Variants in TFEC observed in about 807,000 individuals in gnomAD.
The protein encoded by TFEC is class E basic helix-loop-helix protein 34.
In TFEC, 31 loss-of-function variants were observed where a neutral mutation model predicts 41.6. That is an observed-to-expected ratio of 0.74 (90% CI 0.56 to 1.01). The LOEUF (loss-of-function observed/expected upper bound fraction) is 1.01. TFEC is among the 50% of genes least tolerant of loss of function. TFEC has a pLI of 0.00. For missense variants in TFEC, 402 were observed against 404.1 expected, an observed-to-expected ratio of 0.99 and a Z score of 0.04; for synonymous variants, 143 against 140.6, an observed-to-expected ratio of 1.02 and a Z score of -0.12.
chr7:115,959,856 A>C (rs1053777557), intron 3 of TFEC, among the ~76,000 whole-genome samples: 3 of 151,642 alleles, frequency 2.0e-5, no homozygotes, highest in Non-Finnish European at 4.4e-5. Context: ...TAAACAATAC[A>C]GGGAATAGAA....
chr7:116,124,190 A>G (rs1431331724), intron 1 of TFEC, among the ~76,000 whole-genome samples: 1 of 152,190 alleles, frequency 6.6e-6, no homozygotes, highest in Non-Finnish European at 1.5e-5. Context: ...AACATATAGT[A>G]TAATATAACC....
intron 1 of TFEC, among the ~76,000 whole-genome samples, chr7:115,992,462 A>G (rs1356118687): frequency 6.6e-6 from 1 of 152,180 alleles, no homozygotes; most frequent in Non-Finnish European, 1.5e-5. Flanking sequence ...ACCGCTAGCA[A>G]GACTGTTACA....
intron 1 of TFEC, among the ~76,000 whole-genome samples, chr7:116,005,047 C>T (rs919575071): frequency 2.0e-5 from 3 of 152,172 alleles, no homozygotes; most frequent in East Asian, 3.9e-4. Flanking sequence ...TGCCTTTCAC[C>T]TTCCACTATG....
At chr7:116,125,706 C>G (rs1179062046) in intron 1 of TFEC, among the ~76,000 whole-genome samples, 1 of 152,060 alleles carries the variant, frequency 6.6e-6, no homozygotes, top group African/African-American at 2.4e-5. Context: ...AAAGAGCTAT[C>G]AAGGATGAAC....
chr7:116,047,971 A>G (rs551092328), intron 3 of TFEC, among the ~76,000 whole-genome samples: 151 of 152,266 alleles, frequency 9.9e-4, no homozygotes, highest in African/African-American at 3.3e-3. Flanking sequence ...CCGCACCAAA[A>G]CCCCATCAGT....
chr7:116,062,961 T>C (rs1796605170), intron 3 of TFEC, among the ~76,000 whole-genome samples: 6 of 152,278 alleles, frequency 3.9e-5, no homozygotes, highest in Admixed American at 3.3e-4. Flanking sequence ...TTAAGAGAAA[T>C]AGAAACATAT....
intron 2 of TFEC, among the ~76,000 whole-genome samples, chr7:115,981,810 G>A (rs1236058974): frequency 1.3e-5 from 2 of 151,490 alleles, no homozygotes; most frequent in East Asian, 2.0e-4. Context: ...CCAGACAAAC[G>A]GTCATGATCA....
At chr7:116,030,488 A>G (rs1393330667) in intron 1 of TFEC, 145 bp downstream of exon 1, 3 of 386,702 alleles carry the variant, frequency 7.8e-6, no homozygotes, top group Non-Finnish European at 1.1e-5. Context: ...TTGACTACTC[A>G]GATATCCTGA....
intron 3 of TFEC, among the ~76,000 whole-genome samples, chr7:116,099,223 G>A (rs1300020547): frequency 2.0e-5 from 3 of 152,128 alleles, no homozygotes; most frequent in East Asian, 1.9e-4. Flanking sequence ...TAAGGAATTC[G>A]TTTCACTGAT....
chr7:116,122,382 T>C (rs1364987043), intron 1 of TFEC, among the ~76,000 whole-genome samples: 2 of 152,100 alleles, frequency 1.3e-5, no homozygotes, highest in Non-Finnish European at 2.9e-5. Context: ...GTTAGGTTTC[T>C]ATGTAAGTGG....
intron 7 of TFEC, 168 bp downstream of exon 7, chr7:115,941,725 C>T: frequency 1.3e-6 from 1 of 782,370 alleles, no homozygotes; most frequent in South Asian, 2.0e-5. Context: ...TAGTCAAATC[C>T]TAATTGAAAC....
chr7:115,994,009 T>G lies in TFEC; in HGVS notation c.-72-9496A>C, dbSNP rs1017247738. On this transcript the variant is annotated intron_variant, in intron 1 of 7. Transcript: ENST00000265440. ...CATGGTACTGGTACCAAAACAGAGA[T>G]ATAGACCTATGGAAGAGAACAGAGC... is the stretch of plus-strand genomic sequence containing the variant. Among the ~76,000 whole-genome samples the G allele has an allele frequency of 2.0e-5, 3 of 152,118 alleles. No homozygotes were observed. In the East Asian group the frequency reaches 5.8e-4, roughly 29 times the overall value.
At chr7:116,159,042 T>C (rs1798924167) in intron 1 of TFEC, among the ~76,000 whole-genome samples, 1 of 151,882 alleles carries the variant, frequency 6.6e-6, no homozygotes, top group African/African-American at 2.4e-5. Flanking sequence ...CATTCATATA[T>C]AGTTCAACTG....
chr7:116,119,053 G>A (rs929583242), intron 1 of TFEC, among the ~76,000 whole-genome samples: 6 of 151,840 alleles, frequency 4.0e-5, no homozygotes, highest in Non-Finnish European at 8.8e-5. Flanking sequence ...TATTTCCTGA[G>A]CAGCATTGAT....
At chr7:115,967,116 A>G (rs1477787701) in intron 3 of TFEC, among the ~76,000 whole-genome samples, 2 of 151,652 alleles carry the variant, frequency 1.3e-5, no homozygotes, top group Admixed American at 1.3e-4. Flanking sequence ...TGTCCTAGAT[A>G]ATTTCATTAT....
intron 1 of TFEC, among the ~76,000 whole-genome samples, chr7:116,126,389 A>G (rs1376560029): frequency 1.3e-5 from 2 of 152,066 alleles, no homozygotes; most frequent in African/African-American, 2.4e-5. Flanking sequence ...CAATCATGGA[A>G]GTATAACATT....
At chr7:116,058,133 A>G (rs1348750363) in intron 3 of TFEC, among the ~76,000 whole-genome samples, 5 of 151,826 alleles carry the variant, frequency 3.3e-5, no homozygotes, top group Non-Finnish European at 7.4e-5. Flanking sequence ...TATGCTTTCT[A>G]TAAGAAATTC....
At chr7:116,083,073 AG>A (rs1252746520) in intron 3 of TFEC, among the ~76,000 whole-genome samples, 1 of 151,910 alleles carries the variant, frequency 6.6e-6, no homozygotes, top group Non-Finnish European at 1.5e-5. Flanking sequence ...GTAAAATTCT[AG>A]TTTAAAATGA....
At position 115,938,337 on chromosome 7, in the gene TFEC, TA is replaced by T. The variant is rs1387090417; in HGVS notation, c.*2213del. On this transcript the variant is annotated 3_prime_UTR_variant, in exon 8 of 8. Transcript: ENST00000265440. ...AACTCCAAAATATATTCCTTATCTATAATTTTTAACATTTAATCAAATTATC... is the reference window on the plus strand; with the variant it reads ...AACTCCAAAATATATTCCTTATCTATATTTTTAACATTTAATCAAATTATC... 6.6e-6 allele frequency: 1 copy of T among 151,990 alleles called. No individual in the cohort carries two copies. The highest frequency in any genetic ancestry group is 2.4e-5 in the African/African-American group (1 of 41,436). 9.4% of individuals were successfully genotyped at this position (151,990 alleles called of 1,614,324 possible).
Sources: gnomAD v4.1 joint callset for allele counts (sites outside exome capture counted in the v4.1 genomes callset) on GRCh38, gnomAD v4.1.1 for gene constraint, MANE v1.5 for transcripts, NCBI Gene and HGNC (gene_info 2026-07-23, HGNC 2026-07-21) for gene names.